Variants in PDE4B observed in about 807,000 individuals in gnomAD.
The protein encoded by PDE4B is 3',5'-cyclic-AMP phosphodiesterase 4B.
PDE4B carries 20 observed loss-of-function variants against 82.2 expected under a neutral mutation model. That is an observed-to-expected ratio of 0.24 (90% CI 0.17 to 0.35). PDE4B has a LOEUF of 0.35. Ranked by LOEUF, PDE4B falls within the 10% of genes least tolerant of loss-of-function variation. The probability of loss-of-function intolerance (pLI) is 1.00; values close to 1 mark genes in which losing one functional copy is unlikely to be tolerated. For synonymous variants in PDE4B, 320 were observed against 318.9 expected (o/e 1.00, Z -0.04); for missense variants, 655 against 907.2 (o/e 0.72, Z 3.57).
At chr1:65,861,333 G>A (rs1330584855) in intron 1 of PDE4B, among the ~76,000 whole-genome samples, 1 of 152,104 alleles carries the variant, frequency 6.6e-6, no homozygotes, top group African/African-American at 2.4e-5. Context: ...GTTTTTGCCA[G>A]GTTTGTTGAT....
chr1:66,232,125 G>A (rs978222846), intron 3 of PDE4B, among the ~76,000 whole-genome samples: 3 of 152,170 alleles, frequency 2.0e-5, no homozygotes, highest in Admixed American at 6.5e-5. Context: ...AGCTTTAATA[G>A]AATCATCATA....
At position 66,372,295 on chromosome 1, in the gene PDE4B, CA is replaced by C; in HGVS notation, c.1846-17del. 1 of 1,585,488 alleles carries C rather than the reference CA, an allele frequency of 6.3e-7. No homozygotes were observed. The highest frequency in any genetic ancestry group is 8.6e-7 in the Non-Finnish European group (1 of 1,163,504). On this transcript the variant is annotated splice_polypyrimidine_tract_variant and intron_variant, in intron 16 of 16. Transcript: ENST00000341517. ...AGCACCATCACAATAACAGATGTGTCATCTTATTTTTCTCCAGGTTGGTTTC... is the reference window on the plus strand; with the variant it reads ...AGCACCATCACAATAACAGATGTGTCTCTTATTTTTCTCCAGGTTGGTTTC...
chr1:66,294,618 A>G (rs1657365518), intron 7 of PDE4B, among the ~76,000 whole-genome samples: 1 of 152,210 alleles, frequency 6.6e-6, no homozygotes, highest in Admixed American at 6.5e-5. Flanking sequence ...TAAAAGAAAT[A>G]AGCAATAAAT....
At chr1:66,167,437 A>G (rs967427147) in intron 3 of PDE4B, among the ~76,000 whole-genome samples, 2 of 152,196 alleles carry the variant, frequency 1.3e-5, no homozygotes, top group African/African-American at 4.8e-5. Flanking sequence ...AACCCATGCA[A>G]TGTGTGATTC....
intron 3 of PDE4B, among the ~76,000 whole-genome samples, chr1:66,227,582 A>G (rs924697760): frequency 6.6e-6 from 1 of 152,168 alleles, no homozygotes; most frequent in Non-Finnish European, 1.5e-5. Context: ...GCCCTCCCAC[A>G]TTCCTAACAT....
intron 3 of PDE4B, among the ~76,000 whole-genome samples, chr1:66,004,536 C>CT (rs2100719192): frequency 6.6e-6 from 1 of 152,170 alleles, no homozygotes. Context: ...ATAGAATAAT[C>CT]TTTTTTCTTT....
In PDE4B at chr1:65,894,988, T is replaced by G. The variant is rs59473733; in HGVS notation, c.-70-18257T>G. Among the ~76,000 whole-genome samples the G allele has an allele frequency of 1.3e-3, 200 of 152,264 alleles. 1 individual carries two copies. Among genetic ancestry groups the G allele is most frequent in the African/African-American group, 4.7e-3 (194 of 41,556 alleles). ...ATTAACTTGGTAGTTTCTTTTAAAG[T>G]TGAATATACATTTACCAAATGACTC... On this transcript the variant is annotated intron_variant, in intron 1 of 16. Coordinates refer to ENST00000341517, the MANE Select transcript of PDE4B (RefSeq NM_002600.4).
chr1:65,924,813 G>T (rs1335805956), intron 3 of PDE4B, among the ~76,000 whole-genome samples: 1 of 152,240 alleles, frequency 6.6e-6, no homozygotes, highest in Non-Finnish European at 1.5e-5. Flanking sequence ...ATAGACCTAT[G>T]TGAAGGCTAT....
At chr1:66,090,731 A>G (rs1645004564) in intron 3 of PDE4B, among the ~76,000 whole-genome samples, 2 of 133,648 alleles carry the variant, frequency 1.5e-5, no homozygotes, top group South Asian at 2.5e-4. Flanking sequence ...ATGTATATGT[A>G]TGTATATATA....
intron 3 of PDE4B, among the ~76,000 whole-genome samples, chr1:66,188,006 A>T (rs1177919925): frequency 7.0e-6 from 1 of 143,780 alleles, no homozygotes. Flanking sequence ...ACTGCTTTGA[A>T]TGTGTCCCAG....
At chr1:65,946,309 T>A (rs1648710324) in intron 3 of PDE4B, among the ~76,000 whole-genome samples, 1 of 151,976 alleles carries the variant, frequency 6.6e-6, no homozygotes, top group African/African-American at 2.4e-5. Context: ...ATTTTATGAT[T>A]TGTTGGATCT....
intron 3 of PDE4B, among the ~76,000 whole-genome samples, chr1:66,056,279 G>C (rs1035596970): frequency 1.3e-5 from 2 of 152,108 alleles, no homozygotes; most frequent in African/African-American, 4.8e-5. Context: ...GGGGGTTGGA[G>C]GGAGAGAAAG....
intron 1 of PDE4B, among the ~76,000 whole-genome samples, chr1:65,862,456 T>G (rs900007735): frequency 1.5e-4 from 23 of 152,234 alleles, no homozygotes; most frequent in African/African-American, 4.6e-4. Context: ...TTTGCCAGTA[T>G]TTTATTGAGG....
intron 3 of PDE4B, among the ~76,000 whole-genome samples, chr1:65,968,123 A>G (rs1482838923): frequency 6.6e-6 from 1 of 152,148 alleles, no homozygotes; most frequent in Non-Finnish European, 1.5e-5. Context: ...TAGAAAGACT[A>G]TGGACCGAGA....
At chr1:66,009,969 C>A (rs1407881192) in intron 3 of PDE4B, among the ~76,000 whole-genome samples, 1 of 148,802 alleles carries the variant, frequency 6.7e-6, no homozygotes, top group Non-Finnish European at 1.5e-5. Context: ...TCTATCTAAT[C>A]TTTGGTATTG....
chr1:65,825,172 G>T (rs1039712766), intron 1 of PDE4B, among the ~76,000 whole-genome samples: 3 of 152,130 alleles, frequency 2.0e-5, no homozygotes, highest in African/African-American at 7.2e-5. Context: ...AAGATAATTT[G>T]CTTCCCAAGG....
intron 3 of PDE4B, among the ~76,000 whole-genome samples, chr1:66,091,422 A>G (rs1254337856): frequency 1.3e-5 from 2 of 152,116 alleles, no homozygotes; most frequent in Admixed American, 1.3e-4. Context: ...GTCTCTGTTT[A>G]AAATGGAGAA....
At chr1:65,876,256 C>T (rs1164267060) in intron 1 of PDE4B, among the ~76,000 whole-genome samples, 2 of 152,006 alleles carry the variant, frequency 1.3e-5, no homozygotes, top group African/African-American at 4.8e-5. Context: ...ATAAACATTT[C>T]TGTGTATAAT....
At chr1:66,354,653 A>C (rs1557722382) in intron 8 of PDE4B, 1 of 1,393,752 alleles carries the variant, frequency 7.2e-7, no homozygotes, top group East Asian at 2.6e-5. Context: ...GGCTTCTTGC[A>C]AGAATGGAGT....
Sources: gnomAD v4.1 joint callset for allele counts (sites outside exome capture counted in the v4.1 genomes callset) on GRCh38, gnomAD v4.1.1 for gene constraint, MANE v1.5 for transcripts, NCBI Gene and HGNC (gene_info 2026-07-23, HGNC 2026-07-21) for gene names.